ERCC6L2: variants seen among roughly 807,000 people sequenced by gnomAD.
The protein encoded by ERCC6L2 is DNA excision repair protein ERCC-6-like 2.
Under a neutral mutation model 132.0 loss-of-function variants are expected in ERCC6L2, and 77 were observed. The observed-to-expected ratio is 0.58, with a 90% CI of 0.49 to 0.71. The LOEUF is 0.71. ERCC6L2 is among the 30% of genes least tolerant of loss of function. ERCC6L2 has a pLI of 0.00. For missense variants in ERCC6L2, 1,542 were observed against 1,837.6 expected, an observed-to-expected ratio of 0.84 and a Z score of 2.94; for synonymous variants, 583 against 632.4, an observed-to-expected ratio of 0.92 and a Z score of 1.17.
In ERCC6L2 at chr9:95,916,454, A is replaced by G. The variant is rs1053919750; in HGVS notation, c.1158+20A>G. 17 of 1,462,122 alleles carry G rather than the reference A, an allele frequency of 1.2e-5. No homozygotes were observed. The highest frequency in any genetic ancestry group is 1.5e-5 in the Non-Finnish European group (17 of 1,105,618). 90.6% of individuals were successfully genotyped at this position (1,462,122 alleles called of 1,614,324 possible). ...GACCGGGTAAGAACCGCATTTGTAT[A>G]TATTATTAATTTGTGGTCATATTTT... On this transcript the variant is annotated intron_variant, in intron 6 of 18. Coordinates refer to ENST00000653738, the MANE Select transcript of ERCC6L2 (RefSeq NM_020207.7).
chr9:95,908,383 C>T (rs1326265430), intron 4 of ERCC6L2, among the ~76,000 whole-genome samples: 3 of 152,140 alleles, frequency 2.0e-5, no homozygotes, highest in Admixed American at 1.3e-4. Flanking sequence ...CTTGTGAGGA[C>T]ACAGCAAGAA....
chr9:96,025,069 G>A (rs1035865029), intron 19 of ERCC6L2, among the ~76,000 whole-genome samples: 2 of 152,156 alleles, frequency 1.3e-5, no homozygotes, highest in Non-Finnish European at 2.9e-5. Context: ...ATAGCTTCAA[G>A]TCTTTCACTT....
At chr9:95,916,528 A>G in intron 6 of ERCC6L2, 94 bp downstream of exon 6, 3 of 1,080,552 alleles carry the variant, frequency 2.8e-6, no homozygotes, top group Non-Finnish European at 3.8e-6. Context: ...TTTTGTAAAT[A>G]CAGTTTTTTG....
chr9:95,921,222 A>T lies in ERCC6L2; in HGVS notation c.1206A>T (p.Thr402=), dbSNP rs990785109. The stretch of plus-strand genomic sequence containing the variant: ...ATTTCCAGAAAGCTGTCTATCAAAC[A>T]GTGTTAGAAACAGAGGACGTGACTT... ...LTDFQKAVYQ[T]VLETEDVTLI... is the part of the protein sequence containing the mutation. Residue 402 remains threonine (T), a synonymous_variant, in exon 7 of 19, where the codon ACA becomes ACT. Coordinates refer to ENST00000653738, the MANE Select transcript of ERCC6L2 (RefSeq NM_020207.7). 1 of 1,613,524 alleles carries T rather than the reference A, an allele frequency of 6.2e-7. No individual in the cohort carries two copies. Among genetic ancestry groups the T allele is most frequent in the Non-Finnish European group, 8.5e-7 (1 of 1,179,588 alleles).
intron 4 of ERCC6L2, among the ~76,000 whole-genome samples, chr9:95,908,965 G>C (rs1829213998): frequency 6.6e-6 from 1 of 152,044 alleles, no homozygotes; most frequent in African/African-American, 2.4e-5. Context: ...ACACAAAAAA[G>C]AGAGTAAAAA....
chr9:95,927,387 C>T (rs1208042308), intron 9 of ERCC6L2, among the ~76,000 whole-genome samples: 3 of 152,044 alleles, frequency 2.0e-5, no homozygotes, highest in Non-Finnish European at 4.4e-5. Flanking sequence ...CTGTGGATTG[C>T]TTTTCCACAT....
chr9:96,032,608 T>C (rs1834474110), intron 19 of ERCC6L2, among the ~76,000 whole-genome samples: 1 of 152,126 alleles, frequency 6.6e-6, no homozygotes, highest in Non-Finnish European at 1.5e-5. Context: ...CTATCAGGAA[T>C]GTCACACTCC....
rs915651824 is a variant in ERCC6L2 at position 95,966,465 on chromosome 9, T to C, written c.1948-97T>C. Reference sequence around the variant, plus strand: ...TCCTCCCTAAGGAGATTCTGCCTGCTCCAGCTAAAGCTGTGTATATACAGG... The same window carrying C: ...TCCTCCCTAAGGAGATTCTGCCTGCCCCAGCTAAAGCTGTGTATATACAGG... On this transcript the variant is annotated intron_variant, in intron 13 of 18. Coordinates refer to ENST00000653738, the MANE Select transcript of ERCC6L2 (RefSeq NM_020207.7). The C allele has an allele frequency of 1.2e-5, 14 of 1,150,582 alleles. No individual in the cohort carries two copies. The African/African-American group carries it at 1.3e-4, about 10-fold the overall frequency. 71.3% of individuals were successfully genotyped at this position (1,150,582 alleles called of 1,614,324 possible).
chr9:95,920,242 C>G (rs886217628), intron 6 of ERCC6L2, among the ~76,000 whole-genome samples: 1 of 152,190 alleles, frequency 6.6e-6, no homozygotes, highest in African/African-American at 2.4e-5. Context: ...CTCTTCATTT[C>G]TGCCACCCAT....
chr9:95,998,354 A>G (rs892365120), intron 17 of ERCC6L2, among the ~76,000 whole-genome samples: 5 of 152,222 alleles, frequency 3.3e-5, no homozygotes, highest in African/African-American at 1.2e-4. Context: ...GAACCTATGA[A>G]TACATTACAT....
At chr9:95,946,641 A>G (rs182845970) in intron 12 of ERCC6L2, among the ~76,000 whole-genome samples, 4 of 152,348 alleles carry the variant, frequency 2.6e-5, no homozygotes, top group Non-Finnish European at 5.9e-5. Context: ...GATACATCTC[A>G]TTTTATTGCA....
At position 95,972,399 on chromosome 9, in the gene ERCC6L2, T is replaced by C; in HGVS notation, c.2648T>C (p.Ile883Thr). ...TCTTCCAAGTCTGACGAGAAAAAAATTAAAAATACAGATAAACATTGCATT... is the reference window on the plus strand; with the variant it reads ...TCTTCCAAGTCTGACGAGAAAAAAACTAAAAATACAGATAAACATTGCATT... ...NISSKSDEKK[I>T]KNTDKHCILQ... Residue 883 changes from isoleucine (I) to threonine (T), a missense_variant, in exon 16 of 19, where the codon ATT becomes ACT. This residue lies in a region of ERCC6L2 where 945 missense variants were observed against 1,105.2 expected (regional missense o/e 0.86). Coordinates refer to ENST00000653738, the MANE Select transcript of ERCC6L2 (RefSeq NM_020207.7). 3.9e-6 allele frequency: 5 copies of C among 1,273,220 alleles called. No individual in the cohort carries two copies. The highest frequency in any genetic ancestry group is 5.1e-6 in the Non-Finnish European group (5 of 983,620). The allele number at this position is 1,273,220 out of a possible 1,614,324, so 78.9% of individuals were successfully genotyped here.
intron 13 of ERCC6L2, among the ~76,000 whole-genome samples, chr9:95,960,609 G>A (rs1831856172): frequency 1.3e-5 from 2 of 152,132 alleles, no homozygotes; most frequent in South Asian, 4.1e-4. Context: ...AGCTGGAAGA[G>A]TCAAGAAGTA....
In ERCC6L2 at chr9:96,000,295, C is replaced by G. The variant is rs75959663; in HGVS notation, c.3493-4225C>G. Among the ~76,000 whole-genome samples, 764 of 152,246 alleles carry G rather than the reference C, an allele frequency of 5.0e-3. 10 individuals are homozygous for G. Among genetic ancestry groups the G allele is most frequent in the African/African-American group, 0.017 (726 of 41,538 alleles). The stretch of plus-strand genomic sequence containing the variant: ...GGCATTTTGTGTTTGTCCATCTGAA[C>G]CACAGTAGCTTTTGAACATGTCAGT... On this transcript the variant is annotated intron_variant, in intron 17 of 18. Coordinates refer to ENST00000653738, the MANE Select transcript of ERCC6L2 (RefSeq NM_020207.7).
chr9:95,918,052 GCAT>G (rs1240739004), intron 6 of ERCC6L2: 2 of 174,350 alleles, frequency 1.1e-5, no homozygotes, highest in East Asian at 3.4e-4. Flanking sequence ...TAAAAATCTA[GCAT>G]CAGGAGGGGG....
intron 11 of ERCC6L2, among the ~76,000 whole-genome samples, chr9:95,939,319 A>C (rs1484158366): frequency 6.6e-6 from 1 of 150,764 alleles, no homozygotes; most frequent in Admixed American, 6.6e-5. Context: ...TCTAGCCACC[A>C]ATCTTTTAGG....
chr9:95,972,803 A>G lies in ERCC6L2; in HGVS notation c.3052A>G (p.Lys1018Glu), dbSNP rs1263713618. 1 of 1,304,512 alleles carries G rather than the reference A, an allele frequency of 7.7e-7. No homozygotes were observed. Among genetic ancestry groups the G allele is most frequent in the Non-Finnish European group, 1.0e-6 (1 of 988,938 alleles). 80.8% of individuals were successfully genotyped at this position (1,304,512 alleles called of 1,614,324 possible). A position where few individuals can be genotyped will look rare whatever the true frequency, so the allele number is the denominator to read the frequency against. The change falls in exon 16 of 19, where the codon AAA (lysine) becomes GAA (glutamate). Residue 1018 changes from lysine to glutamate, a missense_variant. Lys to Glu is a moderately conservative substitution (Grantham distance 56). Coordinates refer to ENST00000653738, the MANE Select transcript of ERCC6L2 (RefSeq NM_020207.7). ...ETKKELHNSP[K>E]TMNKTNQVYA... ...CAAAAAAGAACTTCACAATTCTCCC[A>G]AAACAATGAACAAAACAAACCAAGT...
At position 95,972,290 on chromosome 9, in the gene ERCC6L2, A is replaced by G. The variant is rs1234288711; in HGVS notation, c.2539A>G (p.Lys847Glu). The G allele has an allele frequency of 7.7e-6, 10 of 1,297,898 alleles. No individual in the cohort carries two copies. Among genetic ancestry groups the G allele is most frequent in the Non-Finnish European group, 9.1e-6 (9 of 987,140 alleles). 80.4% of individuals were successfully genotyped at this position (1,297,898 alleles called of 1,614,324 possible). ...AAATCAGGACTCTCTTGGTACTTCA[A>G]AACATCAGAAATTAGATAACATCCT... is the stretch of plus-strand genomic sequence containing the variant. ...EKNQDSLGTS[K>E]HQKLDNILNP... The change falls in exon 16 of 19, where the codon AAA (lysine) becomes GAA (glutamate). Residue 847 changes from lysine to glutamate, a missense_variant. Coordinates refer to ENST00000653738, the MANE Select transcript of ERCC6L2 (RefSeq NM_020207.7).
intron 13 of ERCC6L2, among the ~76,000 whole-genome samples, chr9:95,959,649 T>A (rs1315678906): frequency 2.6e-5 from 4 of 151,172 alleles, no homozygotes; most frequent in African/African-American, 9.7e-5. Context: ...AGGGCTAATA[T>A]CCAGAATCTA....
Sources: allele counts gnomAD v4.1 joint callset (sites outside exome capture counted in the v4.1 genomes callset), GRCh38; gene constraint gnomAD v4.1.1; regional missense constraint gnomAD v4.1.1; transcripts MANE v1.5; gene names NCBI Gene and HGNC (gene_info 2026-07-23, HGNC 2026-07-21).